Variants in FBXO10 observed in about 807,000 individuals in gnomAD.
The protein encoded by FBXO10 is F-box only protein 10.
FBXO10 carries 39 observed loss-of-function variants against 80.7 expected under a neutral mutation model. The observed-to-expected ratio is 0.48, with a 90% CI of 0.37 to 0.63. FBXO10 has a LOEUF of 0.63. FBXO10 is among the 30% of genes least tolerant of loss of function. The pLI, the probability that FBXO10 is intolerant of heterozygous loss-of-function variation, is 0.00. For synonymous variants in FBXO10, 449 were observed against 489.6 expected, an observed-to-expected ratio of 0.92 and a Z score of 1.09; for missense variants, 1,025 against 1,269.0, an observed-to-expected ratio of 0.81 and a Z score of 2.92.
intron 1 of FBXO10, among the ~76,000 whole-genome samples, chr9:37,547,227 T>C (rs1248276227): frequency 2.0e-5 from 3 of 152,258 alleles, no homozygotes; most frequent in East Asian, 1.9e-4. Context: ...ATTTGTACAA[T>C]AGAGTACTAT....
intron 3 of FBXO10, 59 bp downstream of exon 3, chr9:37,537,050 CA>C: frequency 7.4e-7 from 1 of 1,342,400 alleles, no homozygotes; most frequent in Non-Finnish European, 1.0e-6. Flanking sequence ...ATAGCCCCAT[CA>C]AACCCTTCCT....
intron 1 of FBXO10, among the ~76,000 whole-genome samples, chr9:37,564,619 G>C (rs912966083): frequency 3.3e-5 from 5 of 152,246 alleles, no homozygotes; most frequent in Non-Finnish European, 5.9e-5. Flanking sequence ...GCAGTCAAAG[G>C]AGATCATTTT....
intron 1 of FBXO10, among the ~76,000 whole-genome samples, chr9:37,553,367 T>G (rs1157518573): frequency 6.6e-6 from 1 of 152,036 alleles, no homozygotes; most frequent in African/African-American, 2.4e-5. Flanking sequence ...TGTTATGAAG[T>G]CATGGACTGA....
intron 8 of FBXO10, among the ~76,000 whole-genome samples, chr9:37,520,473 C>T (rs1412421175): frequency 6.6e-6 from 1 of 151,080 alleles, no homozygotes; most frequent in Non-Finnish European, 1.5e-5. Flanking sequence ...GGACCACAGG[C>T]ACATGCCACC....
intron 1 of FBXO10, among the ~76,000 whole-genome samples, chr9:37,560,521 G>A (rs181107768): frequency 1.3e-5 from 2 of 152,104 alleles, no homozygotes; most frequent in East Asian, 3.9e-4. Context: ...TCTTGACTCC[G>A]AGCACACATG....
At chr9:37,561,440 G>A (rs1289332479) in intron 1 of FBXO10, among the ~76,000 whole-genome samples, 1 of 152,100 alleles carries the variant, frequency 6.6e-6, no homozygotes, top group Non-Finnish European at 1.5e-5. Context: ...ATGCCTCTGG[G>A]CCACCTGGTG....
chr9:37,556,384 T>C (rs1040039480), intron 1 of FBXO10, among the ~76,000 whole-genome samples: 9 of 152,192 alleles, frequency 5.9e-5, no homozygotes, highest in African/African-American at 1.7e-4. Context: ...TAATTTCTTA[T>C]TGAAGTGTAA....
At chr9:37,567,554 G>T (rs1822641100) in intron 1 of FBXO10, among the ~76,000 whole-genome samples, 1 of 152,120 alleles carries the variant, frequency 6.6e-6, no homozygotes, top group Admixed American at 6.5e-5. Flanking sequence ...CATAACAATT[G>T]CAGGATCAAA....
Position 37,531,968 on chromosome 9 carries a change from T to C in FBXO10, c.1510A>G (p.Ile504Val). 1 of 1,613,990 alleles carries C rather than the reference T, an allele frequency of 6.2e-7. No individual in the cohort carries two copies. Among genetic ancestry groups the C allele is most frequent in the Non-Finnish European group, 8.5e-7 (1 of 1,179,884 alleles). ...EGGGLIAGNN[I>V]YHNAEAGVDI... ...ACACCAGCCTCTGCATTGTGGTAAATGTTGTTGCCGGCAATCAAGCCACCG... is the reference window on the plus strand; with the variant it reads ...ACACCAGCCTCTGCATTGTGGTAAACGTTGTTGCCGGCAATCAAGCCACCG... The change falls in exon 4 of 11, where the codon ATT becomes GTT. Residue 504 changes from isoleucine to valine, a missense_variant. Coordinates refer to ENST00000432825, the MANE Select transcript of FBXO10 (RefSeq NM_012166.3).
At position 37,518,329 on chromosome 9, in the gene FBXO10, T is replaced by C. The variant is rs1272270890; in HGVS notation, c.2310A>G (p.Arg770=). 6 of 1,613,952 alleles carry C rather than the reference T, an allele frequency of 3.7e-6. No homozygotes were observed. Among genetic ancestry groups the C allele is most frequent in the Non-Finnish European group, 4.2e-6 (5 of 1,179,912 alleles). ...ITVAQSSQPT[R]VANNSISCNR... ...TGCAGGAGATGCTGTTGTTGGCCAC[T>C]CGGGTGGGTTGGCTGCTCTGGGCCA... is the stretch of plus-strand genomic sequence containing the variant. The change falls in exon 9 of 11, where the codon CGA becomes CGG. Residue 770 remains arginine (R), a synonymous_variant. Coordinates refer to ENST00000432825, the MANE Select transcript of FBXO10 (RefSeq NM_012166.3).
chr9:37,568,934 G>A (rs1393883338), intron 1 of FBXO10, among the ~76,000 whole-genome samples: 3 of 152,184 alleles, frequency 2.0e-5, no homozygotes, highest in Non-Finnish European at 4.4e-5. Context: ...CTCCAAAGAA[G>A]GGAAGACAGC....
intron 1 of FBXO10, among the ~76,000 whole-genome samples, chr9:37,564,466 T>A (rs1822557384): frequency 6.6e-6 from 1 of 152,100 alleles, no homozygotes; most frequent in Non-Finnish European, 1.5e-5. Flanking sequence ...GCTTGCATCA[T>A]GTGCCTGGAA....
chr9:37,533,597 G>A (rs575595305), intron 3 of FBXO10, among the ~76,000 whole-genome samples: 3 of 151,416 alleles, frequency 2.0e-5, no homozygotes, highest in African/African-American at 7.3e-5. Flanking sequence ...TAGGCTGGAC[G>A]TGTTGGCTCA....
chr9:37,521,927 G>C, intron 7 of FBXO10, 89 bp from the exon 8 acceptor site: 1 of 1,401,894 alleles, frequency 7.1e-7, no homozygotes, highest in Non-Finnish European at 9.4e-7. Flanking sequence ...AAAGCCACTG[G>C]CCTGGGAGAG....
chr9:37,568,232 C>G (rs1421070810), intron 1 of FBXO10, among the ~76,000 whole-genome samples: 2 of 152,088 alleles, frequency 1.3e-5, no homozygotes, highest in South Asian at 2.1e-4. Flanking sequence ...GAGTCTTGCT[C>G]TGTTGCCCAA....
chr9:37,536,420 G>T (rs970976850), intron 3 of FBXO10, among the ~76,000 whole-genome samples: 5 of 152,128 alleles, frequency 3.3e-5, no homozygotes, highest in African/African-American at 1.2e-4. Flanking sequence ...AGATTGTCCT[G>T]TGGTGCCCTA....
intron 1 of FBXO10, among the ~76,000 whole-genome samples, chr9:37,565,247 C>T (rs1009830318): frequency 2.0e-5 from 3 of 152,086 alleles, no homozygotes; most frequent in Non-Finnish European, 4.4e-5. Flanking sequence ...AACCTCTTTT[C>T]TTTATAAATT....
chr9:37,548,684 G>A (rs574965857), intron 1 of FBXO10, among the ~76,000 whole-genome samples: 1 of 152,004 alleles, frequency 6.6e-6, no homozygotes, highest in Non-Finnish European at 1.5e-5. Context: ...TCTCTCCTAT[G>A]ATTACTTTCT....
chr9:37,545,018 A>G (rs1753755974), intron 1 of FBXO10, among the ~76,000 whole-genome samples: 1 of 146,082 alleles, frequency 6.8e-6, no homozygotes, highest in South Asian at 2.2e-4. Context: ...AAAAAGAGAG[A>G]GAAAAGCTGG....
Sources: gnomAD v4.1 joint callset for allele counts (sites outside exome capture counted in the v4.1 genomes callset) on GRCh38, gnomAD v4.1.1 for gene constraint, MANE v1.5 for transcripts, NCBI Gene and HGNC (gene_info 2026-07-23, HGNC 2026-07-21) for gene names.